Variants in CCDC88A observed in about 807,000 individuals in gnomAD.
CCDC88A encodes coiled-coil and HOOK domain protein 88A.
Under a neutral mutation model 234.3 loss-of-function variants are expected in CCDC88A, and 54 were observed. The ratio of observed to expected loss-of-function variants is 0.23; its 90% CI spans 0.19 to 0.29. The LOEUF is 0.29. CCDC88A is among the 10% of genes least tolerant of loss of function. CCDC88A has a pLI of 1.00. For missense variants in CCDC88A, 1,832 were observed against 2,123.4 expected (o/e 0.86, Z 2.70); for synonymous variants, 753 against 737.8 (o/e 1.02, Z -0.33).
chr2:55,320,829 G>C (rs1236827028), intron 18 of CCDC88A: 1 of 152,224 alleles, frequency 6.6e-6, no homozygotes, highest in Non-Finnish European at 1.5e-5. Flanking sequence ...TGATTTTTAG[G>C]TTGGGTGTGG....
Position 55,328,370 on chromosome 2 carries a change from T to C in CCDC88A, c.2921A>G (p.Glu974Gly). 1.2e-6 allele frequency: 2 copies of C among 1,600,284 alleles called. No individual in the cohort carries two copies. Among genetic ancestry groups the C allele is most frequent in the South Asian group, 1.1e-5 (1 of 87,904 alleles). ...TCGAGCTTCTAAAGCAGCAATTTTT[T>C]CTTCTTTTATTTCAAGAGACTTCTT... ...TLKKSLEIKE[E>G]KIAALEARLE... is the part of the protein sequence containing the mutation. The change falls in exon 17 of 33, where the codon GAA (glutamate) becomes GGA (glycine). Residue 974 changes from glutamate (E) to glycine (G), a missense_variant. Physicochemically the swap from Glu to Gly is moderately conservative, Grantham distance 98. Around this residue, in one of 6 missense-constraint regions of CCDC88A, gnomAD observed 1,282 missense variants for 1,543.6 expected, o/e 0.83. Transcript: ENST00000436346. This position sits in a 1 kb window ranked among gnomAD's most constrained non-coding sequence, Gnocchi z 4.3.
intron 10 of CCDC88A, 22 bp from the exon 11 acceptor site, chr2:55,344,536 G>C (rs1362155022): frequency 3.0e-6 from 4 of 1,347,188 alleles, no homozygotes; most frequent in Non-Finnish European, 4.1e-6. Flanking sequence ...TATCACAAAT[G>C]TGTTAATATC....
intron 25 of CCDC88A, among the ~76,000 whole-genome samples, chr2:55,307,244 T>C (rs931248975): frequency 8.5e-5 from 13 of 152,236 alleles, no homozygotes; most frequent in Non-Finnish European, 8.8e-5. Context: ...TTAAGCATAC[T>C]AGTAATGAAA....
chr2:55,372,402 TA>T, intron 5 of CCDC88A, 49 bp downstream of exon 5: 1 of 897,018 alleles, frequency 1.1e-6, no homozygotes, highest in Non-Finnish European at 1.8e-6. Context: ...CTGATAAAAA[TA>T]TATAAAGAGG....
rs1331744317 is a variant in CCDC88A at position 55,317,510 on chromosome 2, T to C, written c.3602+54A>G. 2.3e-6 allele frequency: 3 copies of C among 1,322,572 alleles called. No individual in the cohort carries two copies. The highest frequency in any genetic ancestry group is 3.1e-6 in the Non-Finnish European group (3 of 979,562). The allele number at this position is 1,322,572 out of a possible 1,614,324, so 81.9% of individuals were successfully genotyped here. A position where few individuals can be genotyped will look rare whatever the true frequency, so the allele number is the denominator to read the frequency against. On this transcript the variant is annotated intron_variant, in intron 20 of 32. Coordinates refer to ENST00000436346, the MANE Select transcript of CCDC88A (RefSeq NM_001365480.1). The surrounding 1 kb of genome is among the most constrained non-coding windows in gnomAD (Gnocchi z 4.2). ...GTTTAATATATAAAATTTATTATAC[T>C]ACTTGAAGAAAATTCATTTTAAATT... is the stretch of plus-strand genomic sequence containing the variant.
intron 15 of CCDC88A, among the ~76,000 whole-genome samples, chr2:55,333,686 G>A (rs1180745245): frequency 1.3e-5 from 2 of 152,028 alleles, no homozygotes; most frequent in African/African-American, 2.4e-5. Context: ...ATTTGGGTGT[G>A]TGTGTATATA....
chr2:55,303,971 C>T (rs1247006188), intron 25 of CCDC88A, among the ~76,000 whole-genome samples: 2 of 151,982 alleles, frequency 1.3e-5, no homozygotes, highest in African/African-American at 2.4e-5. Context: ...TAATATAAAG[C>T]AACAAAAATT....
intron 8 of CCDC88A, among the ~76,000 whole-genome samples, chr2:55,353,649 CAAAAAAAAAA>C (rs34022778): frequency 9.1e-5 from 7 of 77,080 alleles, no homozygotes; most frequent in Admixed American, 7.3e-4. Context: ...GAAACCAAAC[CAAAAAAAAAA>C]AAAAAAAAAA....
chr2:55,388,721 A>G (rs1165856386), intron 3 of CCDC88A, 57 bp downstream of exon 3: 7 of 712,728 alleles, frequency 9.8e-6, no homozygotes, highest in African/African-American at 5.5e-5. Context: ...CTGATACTAA[A>G]TAATACAAAA....
chr2:55,334,694 A>T lies in CCDC88A; in HGVS notation c.2127T>A (p.Asn709Lys). Residue 709 changes from asparagine (N) to lysine (K), a missense_variant, in exon 15 of 33, where the codon AAT (asparagine) becomes AAA (lysine). This residue lies in a region of CCDC88A where 1,282 missense variants were observed against 1,543.6 expected (regional missense o/e 0.83). Transcript: ENST00000436346. This position sits in a 1 kb window ranked among gnomAD's most constrained non-coding sequence, Gnocchi z 6.1. Reference protein sequence around the residue: ...LDEENLELRRNVESLKCASMK... With the variant: ...LDEENLELRRKVESLKCASMK... ...TGCTTGCACACTTCAAAGATTCTAC[A>T]TTCCTTCGCAGTTCTAAGTTTTCCT... 6 of 1,613,592 alleles carry T rather than the reference A, an allele frequency of 3.7e-6. No individual in the cohort carries two copies. The highest frequency in any genetic ancestry group is 5.1e-6 in the Non-Finnish European group (6 of 1,179,754).
chr2:55,314,951 C>CCCACA (rs1239816451), intron 22 of CCDC88A: 1 of 152,140 alleles, frequency 6.6e-6, no homozygotes, highest in African/African-American at 2.4e-5. Context: ...CAATAATTAA[C>CCCACA]ATTTGACCCA....
intron 11 of CCDC88A, 26 bp from the exon 12 acceptor site, chr2:55,343,818 G>A (rs1464909641): frequency 1.3e-6 from 2 of 1,548,716 alleles, no homozygotes; most frequent in East Asian, 2.3e-5. Flanking sequence ...GGATTAGGGA[G>A]AGAAAAAAGC....
chr2:55,340,612 A>C (rs976467627), intron 12 of CCDC88A, among the ~76,000 whole-genome samples: 4 of 152,224 alleles, frequency 2.6e-5, no homozygotes, highest in African/African-American at 9.6e-5. Context: ...CTTACAGGAT[A>C]CATTATTCTA....
chr2:55,344,146 A>T (rs1668822470), intron 11 of CCDC88A: 1 of 376,378 alleles, frequency 2.7e-6, no homozygotes, highest in African/African-American at 2.1e-5. Context: ...TGGTATTAAA[A>T]GGTTGAAGAC....
At chr2:55,370,938 G>C (rs770095639) in intron 5 of CCDC88A, among the ~76,000 whole-genome samples, 1 of 151,994 alleles carries the variant, frequency 6.6e-6, no homozygotes, top group Non-Finnish European at 1.5e-5. Context: ...TTTGAACCCT[G>C]GAGGTCAAGG....
Position 55,334,261 on chromosome 2 carries a change from C to A in CCDC88A, c.2560G>T (p.Glu854Ter). Reference protein sequence around the residue: ...QAEIKDTTLEENNVKIGNLEK... With the variant: ...QAEIKDTTLE ...AAATTTCCAATCTTCACATTATTTTCTTCTAATGTGGTATCTTTAATTTCT... is the reference window on the plus strand; with the variant it reads ...AAATTTCCAATCTTCACATTATTTTATTCTAATGTGGTATCTTTAATTTCT... The change falls in exon 15 of 33, where the codon GAA (glutamate) becomes TAA (stop). Residue 854 changes from glutamate to a stop codon, truncating the protein, a stop_gained. Coordinates refer to ENST00000436346, the MANE Select transcript of CCDC88A (RefSeq NM_001365480.1). LOFTEE classifies it high-confidence loss of function. This position sits in a 1 kb window ranked among gnomAD's most constrained non-coding sequence, Gnocchi z 6.1. 1 of 1,443,156 alleles carries A rather than the reference C, an allele frequency of 6.9e-7. No homozygotes were observed. The highest frequency in any genetic ancestry group is 1.8e-5 in the South Asian group (1 of 55,062). 89.4% of individuals were successfully genotyped at this position (1,443,156 alleles called of 1,614,324 possible).
At chr2:55,316,240 CTAAACTTAT>C in intron 21 of CCDC88A, 126 bp from the exon 22 acceptor site, 1 of 416,712 alleles carries the variant, frequency 2.4e-6, no homozygotes, top group Non-Finnish European at 4.1e-6. Context: ...TTACAAGTTA[CTAAACTTAT>C]CAAAAATCAG....
intron 29 of CCDC88A, among the ~76,000 whole-genome samples, chr2:55,298,878 AAAAAAAAAAAAAAAACAC>A (rs1334868527): frequency 3.1e-5 from 4 of 130,884 alleles, no homozygotes; most frequent in Non-Finnish European, 3.1e-5. Context: ...CGTCTCAAAA[AAAAAAAAAAAAAAAACAC>A]AAAAAAACAA....
At chr2:55,342,554 A>T (rs1574192837) in intron 12 of CCDC88A, among the ~76,000 whole-genome samples, 1 of 152,336 alleles carries the variant, frequency 6.6e-6, no homozygotes, top group East Asian at 1.9e-4. Context: ...AAAACACTTA[A>T]GTCTGAATTG....
Sources: gnomAD v4.1 joint callset for allele counts (sites outside exome capture counted in the v4.1 genomes callset) on GRCh38, gnomAD v4.1.1 for gene constraint, gnomAD v4.1.1 regional missense constraint, Gnocchi (gnomAD v3.1) non-coding constraint, MANE v1.5 for transcripts, NCBI Gene and HGNC (gene_info 2026-07-23, HGNC 2026-07-21) for gene names.